Variants in GRM7 observed in about 807,000 individuals in gnomAD.
GRM7 encodes the protein glutamate metabotropic receptor 7.
GRM7 carries 35 observed loss-of-function variants against 84.5 expected under a neutral mutation model. That is an observed-to-expected ratio of 0.41 (90% CI 0.32 to 0.55). The LOEUF (loss-of-function observed/expected upper bound fraction) is 0.55, where lower values mean the gene tolerates loss of function less well. GRM7 is among the 20% of genes least tolerant of loss of function. The pLI is 0.19. For synonymous variants in GRM7, 487 were observed against 455.1 expected (o/e 1.07, Z -0.89); for missense variants, 1,003 against 1,194.6 (o/e 0.84, Z 2.36).
At chr3:7,387,684 C>CTGTA (rs1212680644) in intron 4 of GRM7, among the ~76,000 whole-genome samples, 1 of 152,170 alleles carries the variant, frequency 6.6e-6, no homozygotes, top group Non-Finnish European at 1.5e-5. Context: ...GTTTTGGTTA[C>CTGTA]TGTAGCCTTG....
chr3:7,552,437 G>A (rs1693523163), intron 7 of GRM7, among the ~76,000 whole-genome samples: 1 of 152,198 alleles, frequency 6.6e-6, no homozygotes, highest in Admixed American at 6.5e-5. Flanking sequence ...TGCCACAATG[G>A]GGACTCTGTG....
chr3:6,933,406 A>G (rs986116530), intron 1 of GRM7, among the ~76,000 whole-genome samples: 2 of 152,190 alleles, frequency 1.3e-5, no homozygotes, highest in African/African-American at 2.4e-5. Context: ...CCTACACATC[A>G]TGTATACATA....
chr3:6,951,665 A>T (rs551971871), intron 1 of GRM7, among the ~76,000 whole-genome samples: 1 of 152,268 alleles, frequency 6.6e-6, no homozygotes, highest in South Asian at 2.1e-4. Context: ...GGCTTGTTTT[A>T]TGGTCCAGAA....
intron 1 of GRM7, among the ~76,000 whole-genome samples, chr3:7,080,804 G>T (rs952710612): frequency 1.3e-5 from 2 of 151,850 alleles, no homozygotes; most frequent in African/African-American, 4.8e-5. Context: ...TCCTCTGGCA[G>T]ATTATAAATA....
chr3:7,021,902 G>A (rs539568991), intron 1 of GRM7, among the ~76,000 whole-genome samples: 4 of 152,104 alleles, frequency 2.6e-5, no homozygotes, highest in African/African-American at 7.2e-5. Flanking sequence ...CTTGACACTT[G>A]GTGTGAAAAT....
At chr3:7,056,730 C>G (rs1050558244) in intron 1 of GRM7, among the ~76,000 whole-genome samples, 3 of 151,830 alleles carry the variant, frequency 2.0e-5, no homozygotes, top group African/African-American at 7.3e-5. Flanking sequence ...ATTTATTATA[C>G]CATCCAAATT....
intron 4 of GRM7, among the ~76,000 whole-genome samples, chr3:7,389,010 T>G (rs2125138353): frequency 6.6e-6 from 1 of 152,228 alleles, no homozygotes; most frequent in Non-Finnish European, 1.5e-5. Flanking sequence ...TAATGTAGGC[T>G]TTTAGTGCTG....
intron 1 of GRM7, among the ~76,000 whole-genome samples, chr3:7,021,064 A>G (rs1695757881): frequency 6.6e-6 from 1 of 152,166 alleles, no homozygotes; most frequent in Non-Finnish European, 1.5e-5. Context: ...TGTTTTCTAT[A>G]CACATTATTT....
Position 7,680,200 on chromosome 3 carries a change from C to A in GRM7, c.2603C>A (p.Thr868Lys), listed in dbSNP as rs773618753. Residue 868 changes from threonine to lysine, a missense_variant, in exon 9 of 10, where the codon ACA becomes AAA. Transcript: ENST00000357716. The part of the protein sequence containing the change: ...KRKRSFKAVV[T>K]AATMSSRLSH... ...AAGCGAAGCTTCAAGGCGGTAGTCA[C>A]AGCAGCCACCATGTCATCGAGGCTG... The A allele has an allele frequency of 6.2e-7, 1 of 1,614,124 alleles. No individual in the cohort carries two copies. Among genetic ancestry groups the A allele is most frequent in the East Asian group, 2.2e-5 (1 of 44,878 alleles).
At chr3:7,108,299 C>G (rs562685720) in intron 1 of GRM7, among the ~76,000 whole-genome samples, 1 of 151,970 alleles carries the variant, frequency 6.6e-6, no homozygotes, top group African/African-American at 2.4e-5. Context: ...TATATGGTTG[C>G]GTGGCCTTAG....
intron 9 of GRM7, among the ~76,000 whole-genome samples, chr3:7,710,233 TG>T (rs1442146129): frequency 1.3e-5 from 2 of 152,180 alleles, no homozygotes; most frequent in East Asian, 3.8e-4. Context: ...ATTAGATATC[TG>T]TAATCAGACT....
At chr3:7,346,694 C>G (rs544955049) in intron 4 of GRM7, among the ~76,000 whole-genome samples, 1 of 152,152 alleles carries the variant, frequency 6.6e-6, no homozygotes, top group Admixed American at 6.5e-5. Flanking sequence ...AATTAAAGCA[C>G]CCACTGGAAA....
intron 2 of GRM7, among the ~76,000 whole-genome samples, chr3:7,185,597 G>T (rs1695488146): frequency 6.6e-6 from 1 of 152,168 alleles, no homozygotes; most frequent in Non-Finnish European, 1.5e-5. Flanking sequence ...ATTAGATGTT[G>T]TCTAGGCACC....
At chr3:7,730,550 G>C (rs1044241018) in intron 9 of GRM7, among the ~76,000 whole-genome samples, 3 of 152,172 alleles carry the variant, frequency 2.0e-5, no homozygotes, top group African/African-American at 7.2e-5. Context: ...GGCTATACTA[G>C]TACACTGTGA....
intron 1 of GRM7, among the ~76,000 whole-genome samples, chr3:7,028,372 G>T (rs1174191535): frequency 1.3e-5 from 2 of 152,176 alleles, no homozygotes; most frequent in Admixed American, 6.5e-5. Flanking sequence ...GTATAGTACA[G>T]ATCTGGCAAT....
intron 2 of GRM7, among the ~76,000 whole-genome samples, chr3:7,236,478 C>T (rs1257186067): frequency 6.6e-6 from 1 of 152,168 alleles, no homozygotes; most frequent in Non-Finnish European, 1.5e-5. Flanking sequence ...CTCCTTCCAT[C>T]AAAAGCTGAA....
At chr3:7,306,955 A>G (rs989976821) in intron 4 of GRM7, among the ~76,000 whole-genome samples, 5 of 152,206 alleles carry the variant, frequency 3.3e-5, no homozygotes, top group African/African-American at 1.2e-4. Context: ...TAAAGTATAC[A>G]CATCCAAGTG....
chr3:7,329,660 T>C (rs1024244472), intron 4 of GRM7, among the ~76,000 whole-genome samples: 14 of 152,208 alleles, frequency 9.2e-5, no homozygotes, highest in African/African-American at 3.4e-4. Flanking sequence ...TATATTTCTA[T>C]ATGTAACTTA....
chr3:7,282,563 G>T (rs1480144535), intron 2 of GRM7, among the ~76,000 whole-genome samples: 2 of 152,148 alleles, frequency 1.3e-5, no homozygotes, highest in Non-Finnish European at 2.9e-5. Flanking sequence ...AATTTCATTT[G>T]CAACCTTATT....
Sources: allele counts gnomAD v4.1 joint callset (sites outside exome capture counted in the v4.1 genomes callset), GRCh38; gene constraint gnomAD v4.1.1; transcripts MANE v1.5; gene names NCBI Gene and HGNC (gene_info 2026-07-23, HGNC 2026-07-21).